Variants in RIMS1 observed in about 807,000 individuals in gnomAD.
RIMS1 encodes the protein regulating synaptic membrane exocytosis 1.
A neutral mutation model predicts 214.1 loss-of-function variants in RIMS1; 83 were observed. The observed-to-expected ratio is 0.39, with a 90% CI of 0.32 to 0.47. The LOEUF (loss-of-function observed/expected upper bound fraction) is 0.47. Ranked by LOEUF, RIMS1 falls within the 20% of genes least tolerant of loss-of-function variation. The pLI is 0.99. For missense variants in RIMS1, 2,050 were observed against 2,161.8 expected (o/e 0.95, Z 1.03); for synonymous variants, 793 against 786.8 (o/e 1.01, Z -0.13).
Position 72,313,537 on chromosome 6 carries a change from G to A in RIMS1, c.3995G>A (p.Cys1332Tyr). The A allele has an allele frequency of 6.2e-7, 1 of 1,613,654 alleles. No individual in the cohort carries two copies. Among genetic ancestry groups the A allele is most frequent in the Admixed American group, 1.7e-5 (1 of 59,978 alleles). ...ATACATAAAGATCAGTACAGAAGCT[G>A]TGATAACGTCTCTGCCAAATCATCA... is the stretch of plus-strand genomic sequence containing the variant. ...YNIHKDQYRS[C>Y]DNVSAKSSDS... The change falls in exon 28 of 34, where the codon TGT (cysteine) becomes TAT (tyrosine). Residue 1332 changes from cysteine to tyrosine, a missense_variant. Physicochemically the swap from Cys to Tyr is radical, Grantham distance 194. Transcript: ENST00000521978.
intron 6 of RIMS1, among the ~76,000 whole-genome samples, chr6:72,193,935 T>G (rs1482292947): frequency 6.6e-6 from 1 of 151,876 alleles, no homozygotes; most frequent in Non-Finnish European, 1.5e-5. Context: ...GGGAAGAAAT[T>G]TTTTTTTAGA....
chr6:72,313,651 A>G lies in RIMS1; in HGVS notation c.4109A>G (p.Glu1370Gly), dbSNP rs1178119653. 1 of 1,613,170 alleles carries G rather than the reference A, an allele frequency of 6.2e-7. No homozygotes were observed. The change falls in exon 28 of 34, where the codon GAG becomes GGG. Residue 1370 changes from glutamate (E) to glycine (G), a missense_variant. Glu to Gly is a moderately conservative substitution (Grantham distance 98). Transcript: ENST00000521978. Reference sequence around the variant, plus strand: ...ACAAGCTTTATGTCAGAGCAATCTGAGCGCCCCAGGGGTAGAATCAGGTGA... The same window carrying G: ...ACAAGCTTTATGTCAGAGCAATCTGGGCGCCCCAGGGGTAGAATCAGGTGA... The part of the protein sequence containing the change: ...SSTSFMSEQS[E>G]RPRGRISSFT...
intron 29 of RIMS1, among the ~76,000 whole-genome samples, chr6:72,386,986 G>A (rs1167333093): frequency 1.3e-5 from 2 of 151,858 alleles, no homozygotes; most frequent in South Asian, 2.1e-4. Flanking sequence ...CACCCGCCTC[G>A]GCCTCCCAAG....
intron 4 of RIMS1, among the ~76,000 whole-genome samples, chr6:72,168,156 G>A (rs55681410): frequency 0.28 from 42,755 of 151,984 alleles, 6,944 homozygotes; most frequent in Non-Finnish European, 0.37. Context: ...TCAGAATTAA[G>A]AAGATTTGAT....
chr6:71,958,839 A>G (rs578160217), intron 1 of RIMS1, among the ~76,000 whole-genome samples: 12 of 152,254 alleles, frequency 7.9e-5, no homozygotes, highest in African/African-American at 2.9e-4. Flanking sequence ...TTGCTAGATT[A>G]TCTTTTCAAA....
chr6:72,038,246 C>G (rs1345370438), intron 2 of RIMS1, among the ~76,000 whole-genome samples: 1 of 147,540 alleles, frequency 6.8e-6, no homozygotes, highest in East Asian at 2.0e-4. Context: ...ATGAAAAACC[C>G]AGATATATTA....
intron 6 of RIMS1, among the ~76,000 whole-genome samples, chr6:72,231,336 T>G (rs2061891580): frequency 6.6e-6 from 1 of 151,632 alleles, no homozygotes; most frequent in Non-Finnish European, 1.5e-5. Flanking sequence ...TAATGGGTAA[T>G]GATGAAATTA....
At chr6:72,010,535 A>G (rs1369616433) in intron 2 of RIMS1, among the ~76,000 whole-genome samples, 1 of 152,242 alleles carries the variant, frequency 6.6e-6, no homozygotes, top group African/African-American at 2.4e-5. Flanking sequence ...AGAGGAAGTC[A>G]AATTGTCCCT....
intron 4 of RIMS1, among the ~76,000 whole-genome samples, chr6:72,102,066 G>A (rs1248697143): frequency 2.0e-5 from 3 of 151,858 alleles, no homozygotes; most frequent in Admixed American, 1.3e-4. Flanking sequence ...ATTTCCCATA[G>A]CCAGTTTAAA....
chr6:71,998,853 T>A (rs144414908), intron 2 of RIMS1, among the ~76,000 whole-genome samples: 84 of 152,328 alleles, frequency 5.5e-4, no homozygotes, highest in Non-Finnish European at 1.0e-3. Context: ...TTAGAATAAA[T>A]CTGTCAGATT....
chr6:72,345,778 CTT>C (rs1208347826), intron 29 of RIMS1, among the ~76,000 whole-genome samples: 1 of 151,638 alleles, frequency 6.6e-6, no homozygotes, highest in Non-Finnish European at 1.5e-5. Context: ...AATAAACAGT[CTT>C]TTGTATCTGA....
intron 1 of RIMS1, among the ~76,000 whole-genome samples, chr6:71,906,440 A>G (rs553742433): frequency 6.6e-6 from 1 of 152,322 alleles, no homozygotes; most frequent in South Asian, 2.1e-4. Flanking sequence ...TATGGATGCT[A>G]TCCCTACTTT....
intron 1 of RIMS1, among the ~76,000 whole-genome samples, chr6:71,902,180 A>G (rs1582150084): frequency 6.6e-6 from 1 of 152,240 alleles, no homozygotes; most frequent in South Asian, 2.1e-4. Context: ...GAAAGAAAAG[A>G]TGAGGGACCT....
chr6:72,326,651 G>A (rs1490187112), intron 28 of RIMS1, among the ~76,000 whole-genome samples: 2 of 151,570 alleles, frequency 1.3e-5, no homozygotes. Context: ...TCTTTCTTAG[G>A]AGAGAGACTC....
At chr6:72,023,674 T>C (rs974494206) in intron 2 of RIMS1, among the ~76,000 whole-genome samples, 1 of 152,100 alleles carries the variant, frequency 6.6e-6, no homozygotes, top group Non-Finnish European at 1.5e-5. Context: ...AGTCAAGAAT[T>C]TCATTGATTT....
At chr6:71,909,802 G>GA (rs565278230) in intron 1 of RIMS1, among the ~76,000 whole-genome samples, 8 of 151,830 alleles carry the variant, frequency 5.3e-5, no homozygotes, top group Non-Finnish European at 1.2e-4. Context: ...GTTTGGATCA[G>GA]AAAAAAAATT....
chr6:72,390,527 C>T, intron 29 of RIMS1, 71 bp from the exon 30 acceptor site: 1 of 1,411,410 alleles, frequency 7.1e-7, no homozygotes, highest in Non-Finnish European at 9.7e-7. Context: ...ATTGTATTTG[C>T]AGGATCAATT....
chr6:72,261,934 C>T (rs946702197), intron 19 of RIMS1: 2 of 984,214 alleles, frequency 2.0e-6, no homozygotes, highest in Admixed American at 6.2e-5. Flanking sequence ...CATGAACTAT[C>T]CAGGTTTATT....
chr6:72,372,748 T>G (rs1221788348), intron 29 of RIMS1, among the ~76,000 whole-genome samples: 2 of 152,318 alleles, frequency 1.3e-5, no homozygotes, highest in South Asian at 2.1e-4. Context: ...CAGCGATTGG[T>G]TTGCTATTCA....
Sources: allele counts gnomAD v4.1 joint callset (sites outside exome capture counted in the v4.1 genomes callset), GRCh38; gene constraint gnomAD v4.1.1; transcripts MANE v1.5; gene names NCBI Gene and HGNC (gene_info 2026-07-23, HGNC 2026-07-21).